Variants in RBPJ observed in about 807,000 individuals in gnomAD.
The protein encoded by RBPJ is recombining binding protein suppressor of hairless.
RBPJ carries 9 observed loss-of-function variants against 67.8 expected under a neutral mutation model. The ratio of observed to expected loss-of-function variants is 0.13; its 90% confidence interval spans 0.08 to 0.23. The LOEUF (loss-of-function observed/expected upper bound fraction) is 0.23. RBPJ is among the 10% of genes least tolerant of loss of function. The probability of loss-of-function intolerance (pLI) is 1.00; values close to 1 mark genes in which losing one functional copy is unlikely to be tolerated. For missense variants in RBPJ, 305 were observed against 595.6 expected, an observed-to-expected ratio of 0.51 and a Z score of 5.08; for synonymous variants, 198 against 203.3, an observed-to-expected ratio of 0.97 and a Z score of 0.22.
chr4:26,230,728 G>T (rs902061636), intron 1 of RBPJ, among the ~76,000 whole-genome samples: 1 of 152,036 alleles, frequency 6.6e-6, no homozygotes, highest in African/African-American at 2.4e-5. Context: ...AATCAGTTCA[G>T]TTCAGTTCTC....
At chr4:26,171,750 T>C (rs558115849) in intron 1 of RBPJ, among the ~76,000 whole-genome samples, 2 of 150,662 alleles carry the variant, frequency 1.3e-5, no homozygotes, top group South Asian at 4.2e-4. Context: ...TCAGAGGGAG[T>C]AGAGATAGTA....
rs13135156 is a variant in RBPJ at position 26,405,890 on chromosome 4, G to A, written c.60-285G>A. 0.5 allele frequency among the ~76,000 whole-genome samples: 75,729 copies of A among 151,992 alleles called. 20,094 individuals carry two copies. The highest frequency in any genetic ancestry group is 0.62 in the Admixed American group (9,441 of 15,268). On this transcript the variant is annotated intron_variant, in intron 2 of 10. Transcript: ENST00000355476. Reference sequence around the variant, plus strand: ...TATGTTGATTCTAGTTATTCTGGAAGGTGTAATTGTGGTTTGAGTTACATC... The same window carrying A: ...TATGTTGATTCTAGTTATTCTGGAAAGTGTAATTGTGGTTTGAGTTACATC...
chr4:26,109,411 CCTCTCTCTCTCTCCCTCTCTCTCT>C, the RBPJ span, among the ~76,000 whole-genome samples: 2,993 of 48,650 alleles, frequency 0.062, 462 homozygotes, highest in African/African-American at 0.093. Flanking sequence ...TGTCCACCTT[CCTCTCTCTCTCTCCCTCTCTCTCT>C]CTCTCTCTCT....
chr4:26,248,055 A>G (rs7659346), intron 1 of RBPJ, among the ~76,000 whole-genome samples: 2,803 of 152,264 alleles, frequency 0.018, 76 homozygotes, highest in African/African-American at 0.064. Flanking sequence ...GCACTTTGGG[A>G]AGCTGAGGCG....
At chr4:26,393,888 T>C (rs1731813305) in intron 2 of RBPJ, among the ~76,000 whole-genome samples, 1 of 152,162 alleles carries the variant, frequency 6.6e-6, no homozygotes, top group Non-Finnish European at 1.5e-5. Flanking sequence ...TTTTCCAAAT[T>C]AAGCAATATT....
At chr4:26,296,755 C>T (rs964124852) in intron 1 of RBPJ, among the ~76,000 whole-genome samples, 2 of 152,134 alleles carry the variant, frequency 1.3e-5, no homozygotes, top group East Asian at 1.9e-4. Context: ...GAGCTTAATT[C>T]AGAGGCCATA....
chr4:26,219,803 TCTCA>T (rs1239317872), intron 1 of RBPJ, among the ~76,000 whole-genome samples: 2 of 151,800 alleles, frequency 1.3e-5, no homozygotes, highest in Non-Finnish European at 2.9e-5. Flanking sequence ...TGAGACGGAG[TCTCA>T]CTCTGTCACG....
the RBPJ span, among the ~76,000 whole-genome samples, chr4:26,116,336 C>T: frequency 6.6e-6 from 1 of 152,234 alleles, no homozygotes; most frequent in Non-Finnish European, 1.5e-5. Flanking sequence ...GCCCGGTATG[C>T]TGTGAAAAAC....
the RBPJ span, among the ~76,000 whole-genome samples, chr4:26,148,364 G>A: frequency 2.0e-5 from 3 of 152,210 alleles, no homozygotes; most frequent in Admixed American, 6.5e-5. Context: ...AGAGGTCAGC[G>A]TTGAAGAACT....
upstream of RBPJ, among the ~76,000 whole-genome samples, chr4:26,318,127 A>G (rs1001707299): frequency 2.0e-5 from 3 of 150,650 alleles, no homozygotes; most frequent in African/African-American, 7.4e-5. Context: ...ACACACACAC[A>G]CGCACACACA....
intron 1 of RBPJ, chr4:26,322,242 T>C (rs1299654198): frequency 6.6e-6 from 1 of 152,222 alleles, no homozygotes; most frequent in Non-Finnish European, 1.5e-5. Context: ...ATATGTGTTT[T>C]TCTGTTAGTG....
chr4:26,297,164 C>T (rs1721901797), intron 1 of RBPJ, among the ~76,000 whole-genome samples: 1 of 152,082 alleles, frequency 6.6e-6, no homozygotes, highest in African/African-American at 2.4e-5. Context: ...GGCGTGGTGG[C>T]AGACACCTGT....
At chr4:26,341,628 CA>C (rs371489432) in intron 1 of RBPJ, among the ~76,000 whole-genome samples, 1,519 of 137,782 alleles carry the variant, frequency 0.011, 23 homozygotes, top group African/African-American at 0.034. Flanking sequence ...CAAAACAAAA[CA>C]AAACAAAAAA....
chr4:26,319,334 C>T (rs1484881507), upstream of RBPJ, among the ~76,000 whole-genome samples: 1 of 152,226 alleles, frequency 6.6e-6, no homozygotes, highest in Non-Finnish European at 1.5e-5. Flanking sequence ...GCTCCCCACC[C>T]CTCGTCTTCC....
chr4:26,346,269 C>T (rs747675283), intron 1 of RBPJ, among the ~76,000 whole-genome samples: 1 of 152,058 alleles, frequency 6.6e-6, no homozygotes, highest in Non-Finnish European at 1.5e-5. Context: ...AGGGGACTTC[C>T]AGAGAGGAAA....
At chr4:26,208,711 T>C (rs1316909239) in intron 1 of RBPJ, among the ~76,000 whole-genome samples, 2 of 152,202 alleles carry the variant, frequency 1.3e-5, no homozygotes, top group African/African-American at 4.8e-5. Flanking sequence ...ATTTTTTTTC[T>C]GAACTCTTGT....
rs956647839 is a variant in RBPJ, at chr4:26,289,901, A to T, written c.-166-72545A>T. On this transcript the variant is annotated intron_variant, in intron 1 of 4. Transcript: ENST00000512351. ...TGTGAGAGTGCTTGAATGACCTGCT[A>T]AATCTTGTTAATTTGTCTTGGCATC... Among the ~76,000 whole-genome samples the T allele has an allele frequency of 1.4e-4, 21 of 150,834 alleles. 1 individual carries two copies. The highest frequency in any genetic ancestry group is 4.9e-4 in the African/African-American group (20 of 40,954).
intron 1 of RBPJ, among the ~76,000 whole-genome samples, chr4:26,210,720 T>TTTCCTTCTTTCCTTCC: frequency 1.4e-5 from 1 of 70,934 alleles, no homozygotes; most frequent in African/African-American, 5.4e-5. Context: ...TCTTTCCTTC[T>TTTCCTTCTTTCCTTCC]TTCTTTCCTT....
intron 3 of RBPJ, among the ~76,000 whole-genome samples, chr4:26,413,996 T>TCC (rs1734296540): frequency 6.6e-6 from 1 of 152,174 alleles, no homozygotes; most frequent in East Asian, 1.9e-4. Flanking sequence ...TGGGTATATA[T>TCC]ACACTAGTGG....
Sources: gnomAD v4.1 joint callset for allele counts (sites outside exome capture counted in the v4.1 genomes callset) on GRCh38, gnomAD v4.1.1 for gene constraint, MANE v1.5 for transcripts, NCBI Gene and HGNC (gene_info 2026-07-23, HGNC 2026-07-21) for gene names.